GLIS3: variants seen among roughly 807,000 people sequenced by gnomAD.
GLIS3 encodes the protein zinc finger protein GLIS3.
In GLIS3, 53 loss-of-function variants were observed where a neutral mutation model predicts 78.6. The observed-to-expected ratio is 0.67, with a 90% CI of 0.54 to 0.85. The LOEUF (loss-of-function observed/expected upper bound fraction) is 0.85. Among genes scored for constraint, GLIS3 ranks in the 40% least tolerant of loss-of-function variants. The probability of loss-of-function intolerance (pLI) is 0.00; values close to 1 mark genes in which losing one functional copy is unlikely to be tolerated. For missense variants in GLIS3, 1,703 were observed against 1,231.1 expected (o/e 1.38, Z -5.74); for synonymous variants, 684 against 509.9 (o/e 1.34, Z -4.60).
At chr9:3,900,589 G>T (rs1823219938) in intron 6 of GLIS3, among the ~76,000 whole-genome samples, 1 of 151,650 alleles carries the variant, frequency 6.6e-6, no homozygotes, top group African/African-American at 2.4e-5. Context: ...CCACAAATAG[G>T]GCTAATCAAT....
intron 2 of GLIS3, among the ~76,000 whole-genome samples, chr9:4,318,859 A>T (rs1817477982): frequency 6.6e-6 from 1 of 152,206 alleles, no homozygotes; most frequent in African/African-American, 2.4e-5. Flanking sequence ...TTACTTGCTG[A>T]TTGCAAAGGG....
rs780919410 is a variant in GLIS3, at chr9:4,125,691, G to A, written c.596+43C>T. On this transcript the variant is annotated intron_variant, in intron 3 of 10. Coordinates refer to ENST00000381971, the MANE Select transcript of GLIS3 (RefSeq NM_001042413.2). Reference sequence around the variant, plus strand: ...AGAACGGAAAACACTTGTGGGGTGTGTTTATACCATAAAGAAAGGGGAAAA... The same window carrying A: ...AGAACGGAAAACACTTGTGGGGTGTATTTATACCATAAAGAAAGGGGAAAA... The A allele has an allele frequency of 2.6e-5, 36 of 1,398,568 alleles. No individual in the cohort carries two copies. In the South Asian group the frequency reaches 4.0e-4, roughly 16 times the overall value. The allele number at this position is 1,398,568 out of a possible 1,614,324, so 86.6% of individuals were successfully genotyped here.
intron 6 of GLIS3, among the ~76,000 whole-genome samples, chr9:3,930,452 G>A (rs1179620433): frequency 6.6e-6 from 1 of 152,158 alleles, no homozygotes; most frequent in African/African-American, 2.4e-5. Flanking sequence ...ATAATATTTT[G>A]CAGTCTCAAG....
At chr9:4,452,843 C>A in the GLIS3 span, among the ~76,000 whole-genome samples, 1 of 152,040 alleles carries the variant, frequency 6.6e-6, no homozygotes, top group African/African-American at 2.4e-5. Flanking sequence ...AAAAAAGAGC[C>A]CATATAGCCG....
chr9:4,298,146 G>C (rs1286639231), intron 1 of GLIS3, among the ~76,000 whole-genome samples: 1 of 152,096 alleles, frequency 6.6e-6, no homozygotes, highest in African/African-American at 2.4e-5. Flanking sequence ...GGGTGCTGCG[G>C]CTGGGAAGCC....
the GLIS3 span, among the ~76,000 whole-genome samples, chr9:4,356,967 T>A: frequency 6.6e-6 from 1 of 152,238 alleles, no homozygotes; most frequent in African/African-American, 2.4e-5. Context: ...ATATATTGAC[T>A]GGTACGAAAT....
chr9:3,915,711 T>G (rs1374722126), intron 6 of GLIS3, among the ~76,000 whole-genome samples: 1 of 152,192 alleles, frequency 6.6e-6, no homozygotes, highest in African/African-American at 2.4e-5. Flanking sequence ...CCTGGAAAGA[T>G]GCTATTACTG....
At chr9:4,077,221 T>G (rs1828151295) in intron 4 of GLIS3, among the ~76,000 whole-genome samples, 1 of 152,340 alleles carries the variant, frequency 6.6e-6, no homozygotes, top group East Asian at 1.9e-4. Flanking sequence ...CCTTATAGCT[T>G]AATTTCTAGG....
At chr9:4,405,073 T>C in the GLIS3 span, among the ~76,000 whole-genome samples, 490 of 152,242 alleles carry the variant, frequency 3.2e-3, 2 homozygotes, top group African/African-American at 0.011. Flanking sequence ...CAAATGATCC[T>C]GCCTGGCGCA....
Position 4,059,170 on chromosome 9 carries a change from T to G in GLIS3, c.1710+58598A>C, listed in dbSNP as rs146808581. Among the ~76,000 whole-genome samples, 326 of 152,242 alleles carry G rather than the reference T, an allele frequency of 2.1e-3. 1 individual carries two copies. The highest frequency in any genetic ancestry group is 0.02 in the Middle Eastern group (6 of 294). Reference sequence around the variant, plus strand: ...TGAGGGTGGGATCAGGCCTTGACCTTTTGGCAAGTCTTGAGATCTGAGCAC... The same window carrying G: ...TGAGGGTGGGATCAGGCCTTGACCTGTTGGCAAGTCTTGAGATCTGAGCAC... On this transcript the variant is annotated intron_variant, in intron 4 of 10. Coordinates refer to ENST00000381971, the MANE Select transcript of GLIS3 (RefSeq NM_001042413.2).
At chr9:4,437,955 G>T in the GLIS3 span, among the ~76,000 whole-genome samples, 1 of 152,118 alleles carries the variant, frequency 6.6e-6, no homozygotes, top group Non-Finnish European at 1.5e-5. Flanking sequence ...TACTAACAAG[G>T]CTTCTGTTCA....
chr9:4,193,850 A>G (rs1818553865), intron 2 of GLIS3, among the ~76,000 whole-genome samples: 1 of 152,190 alleles, frequency 6.6e-6, no homozygotes, highest in African/African-American at 2.4e-5. Flanking sequence ...TAAAATCAAT[A>G]AGTCACTTTT....
intron 2 of GLIS3, among the ~76,000 whole-genome samples, chr9:4,187,475 G>A (rs1385034193): frequency 6.6e-6 from 1 of 152,152 alleles, no homozygotes; most frequent in Non-Finnish European, 1.5e-5. Flanking sequence ...ACTTGGCGAT[G>A]TGGGCTCTTT....
intron 4 of GLIS3, among the ~76,000 whole-genome samples, chr9:4,089,674 C>T (rs1829326351): frequency 6.6e-6 from 1 of 151,576 alleles, no homozygotes; most frequent in Admixed American, 6.6e-5. Context: ...TTTTAATTAG[C>T]CAGGCATGGT....
At chr9:3,925,627 G>C (rs558745154) in intron 6 of GLIS3, among the ~76,000 whole-genome samples, 1 of 152,080 alleles carries the variant, frequency 6.6e-6, no homozygotes, top group African/African-American at 2.4e-5. Flanking sequence ...GTGTGCGCGC[G>C]ATCACTGTGA....
chr9:4,463,977 T>C, the GLIS3 span, among the ~76,000 whole-genome samples: 2 of 152,284 alleles, frequency 1.3e-5, no homozygotes, highest in East Asian at 3.9e-4. Flanking sequence ...AAATTTGGAA[T>C]GTCATAGATG....
the GLIS3 span, among the ~76,000 whole-genome samples, chr9:4,404,301 T>C: frequency 6.6e-5 from 10 of 152,312 alleles, no homozygotes; most frequent in Admixed American, 2.0e-4. Context: ...ACTTTCAGCA[T>C]TGCACAGATC....
rs374710374 is a variant in GLIS3, at chr9:3,917,946, C to T, written c.1983+14414G>A. 3.8e-4 allele frequency among the ~76,000 whole-genome samples: 58 copies of T among 152,184 alleles called. No homozygotes were observed. In the East Asian group the frequency reaches 7.5e-3, roughly 20 times the overall value. ...TAACTGAAAAGAATGATTGTATTGG[C>T]GGCAATTTTATGCTTTCTAGAAGGC... On this transcript the variant is annotated intron_variant, in intron 6 of 10. Transcript: ENST00000381971.
the GLIS3 span, among the ~76,000 whole-genome samples, chr9:4,475,860 G>C: frequency 6.6e-6 from 1 of 152,162 alleles, no homozygotes; most frequent in African/African-American, 2.4e-5. Flanking sequence ...GAAGAAGAGA[G>C]TCGTTGGATA....
Sources: allele counts gnomAD v4.1 joint callset (sites outside exome capture counted in the v4.1 genomes callset), GRCh38; gene constraint gnomAD v4.1.1; transcripts MANE v1.5; gene names NCBI Gene and HGNC (gene_info 2026-07-23, HGNC 2026-07-21).